LAMA5: variants seen among roughly 807,000 people sequenced by gnomAD.
LAMA5 encodes laminin subunit alpha-5.
A neutral mutation model predicts 433.4 loss-of-function variants in LAMA5; 260 were observed. The observed-to-expected ratio is 0.60, with a 90% CI of 0.54 to 0.66. The LOEUF (loss-of-function observed/expected upper bound fraction) is 0.66. LAMA5 is among the 30% of genes least tolerant of loss of function. LAMA5 has a pLI of 0.00. For missense variants in LAMA5, 5,378 were observed against 5,258.5 expected, an observed-to-expected ratio of 1.02 and a Z score of -0.70; for synonymous variants, 2,620 against 2,226.6, an observed-to-expected ratio of 1.18 and a Z score of -4.97.
At chr20:62,348,935 C>G (rs894288105) in intron 6 of LAMA5, among the ~76,000 whole-genome samples, 18 of 152,144 alleles carry the variant, frequency 1.2e-4, no homozygotes, top group Admixed American at 9.8e-4. Context: ...GGAAAGGGAG[C>G]CAACAGTCAG....
chr20:62,349,096 C>T (rs909539374), intron 6 of LAMA5, among the ~76,000 whole-genome samples: 6 of 151,662 alleles, frequency 4.0e-5, no homozygotes, highest in African/African-American at 7.3e-5. Context: ...GGTGAAACCC[C>T]GTTTCTACTA....
rs939783734 is a variant in LAMA5, at chr20:62,315,131, G to A, written c.7944C>T (p.Ser2648=). 1 of 1,609,938 alleles carries A rather than the reference G, an allele frequency of 6.2e-7. No homozygotes were observed. The highest frequency in any genetic ancestry group is 1.7e-5 in the Admixed American group (1 of 59,966). Reference sequence around the variant, plus strand: ...CATTCTCCTGCATGGCCTGCAGCTGGGACTGCACACGGGTGGCGGTGTCCT... The same window carrying A: ...CATTCTCCTGCATGGCCTGCAGCTGAGACTGCACACGGGTGGCGGTGTCCT... ...EAQDTATRVQ[S]QLQAMQENVE... The change falls in exon 59 of 80, where the codon TCC becomes TCT. Residue 2648 remains serine (S), a synonymous_variant. Transcript: ENST00000252999.
rs1295764014 is a variant in LAMA5 at position 62,310,934 on chromosome 20, G to C, written c.10249C>G (p.Arg3417Gly). ...CAGCGGCCAGGCCGGGAGCGCTGGC[G>C]GCTCTGGGCGCGGAGCCGAGTCCCG... is the stretch of plus-strand genomic sequence containing the variant. ...GLGTRLRAQS[R>G]QRSRPGRWHK... is the part of the protein sequence containing the mutation. The change falls in exon 74 of 80, where the codon CGC becomes GGC. Residue 3417 changes from arginine to glycine, a missense_variant. Physicochemically the swap from Arg to Gly is moderately radical, Grantham distance 125 (BLOSUM62 -2). Coordinates refer to ENST00000252999, the MANE Select transcript of LAMA5 (RefSeq NM_005560.6). 9 of 1,611,034 alleles carry C rather than the reference G, an allele frequency of 5.6e-6. No homozygotes were observed. Among genetic ancestry groups the C allele is most frequent in the Non-Finnish European group, 5.9e-6 (7 of 1,179,496 alleles).
rs767934795 is a variant in LAMA5 at position 62,346,937 on chromosome 20, C to G, written c.1048G>C (p.Ala350Pro). The change falls in exon 7 of 80, where the codon GCC becomes CCC. Residue 350 changes from alanine (A) to proline (P), a missense_variant. Coordinates refer to ENST00000252999, the MANE Select transcript of LAMA5 (RefSeq NM_005560.6). ...CACTGGCACTCGTTGGCACTGTTGG[C>G]AGTCGCAGGCTTCCACGGCTGCTGA... is the stretch of plus-strand genomic sequence containing the variant. ...FNQQPWKPAT[A>P]NSANECQSCN... The G allele has an allele frequency of 1.9e-6, 3 of 1,612,922 alleles. No homozygotes were observed. The highest frequency in any genetic ancestry group is 2.5e-6 in the Non-Finnish European group (3 of 1,179,912).
intron 6 of LAMA5, among the ~76,000 whole-genome samples, chr20:62,350,505 G>A (rs1391768692): frequency 6.6e-6 from 1 of 152,152 alleles, no homozygotes; most frequent in East Asian, 1.9e-4. Context: ...TCCTGTCTGA[G>A]CTCCACCCGC....
At chr20:62,344,955 G>T (rs540269290) in intron 11 of LAMA5, among the ~76,000 whole-genome samples, 147 of 152,324 alleles carry the variant, frequency 9.7e-4, no homozygotes, top group African/African-American at 3.5e-3. Flanking sequence ...TGAAAGAGAA[G>T]TGCTTGTGTA....
At position 62,312,928 on chromosome 20, in the gene LAMA5, G is replaced by C. The variant is rs746982693; in HGVS notation, c.9038C>G (p.Pro3013Arg). 1.3e-6 allele frequency: 2 copies of C among 1,580,888 alleles called. No homozygotes were observed. The highest frequency in any genetic ancestry group is 2.7e-5 in the African/African-American group (2 of 74,378). Residue 3013 changes from proline to arginine, a missense_variant, in exon 66 of 80, where the codon CCA becomes CGA. Physicochemically the swap from Pro to Arg is moderately radical, Grantham distance 103. Coordinates refer to ENST00000252999, the MANE Select transcript of LAMA5 (RefSeq NM_005560.6). ...GGTCAGGGGCGGTGGGGGCTGCAGTGGGACGGCCTTTTTCAGGCCAGCCCC... is the reference window on the plus strand; with the variant it reads ...GGTCAGGGGCGGTGGGGGCTGCAGTCGGACGGCCTTTTTCAGGCCAGCCCC... ...DFGAGLKKAV[P>R]LQPPPPLTSA...
chr20:62,311,593 C>G (rs1387163862), intron 71 of LAMA5, 21 bp downstream of exon 71: 3 of 1,607,792 alleles, frequency 1.9e-6, no homozygotes, highest in Non-Finnish European at 2.5e-6. Flanking sequence ...GACCTTGTCC[C>G]CCAGCGCCCA....
At chr20:62,358,862 G>A (rs372764243) in intron 2 of LAMA5, among the ~76,000 whole-genome samples, 9 of 152,120 alleles carry the variant, frequency 5.9e-5, no homozygotes, top group East Asian at 5.8e-4. Flanking sequence ...ACTTGGAGGG[G>A]ACAGCTGACT....
chr20:62,330,059 G>T, intron 31 of LAMA5, 143 bp from the exon 32 acceptor site: 1 of 1,214,156 alleles, frequency 8.2e-7, no homozygotes, highest in Non-Finnish European at 1.1e-6. Flanking sequence ...CAAGAGGTCT[G>T]CAAGGCCGGC....
chr20:62,326,259 G>C (rs1482610434), intron 40 of LAMA5, among the ~76,000 whole-genome samples: 1 of 151,698 alleles, frequency 6.6e-6, no homozygotes. Context: ...AGAAAAACCA[G>C]ATGAGCTGTG....
At position 62,337,815 on chromosome 20, in the gene LAMA5, G is replaced by C. The variant is rs1282578308; in HGVS notation, c.2015C>G (p.Pro672Arg). 1 of 1,612,674 alleles carries C rather than the reference G, an allele frequency of 6.2e-7. No individual in the cohort carries two copies. The part of the protein sequence containing the change: ...QECSPGFHGF[P>R]SCVPCHCSAE... ...CCCTAGGCACTCACGGACACAGCTG[G>C]GGAAGCCGTGAAAGCCGGGGCTGCA... The change falls in exon 15 of 80, where the codon CCC becomes CGC. Residue 672 changes from proline to arginine, a missense_variant. Transcript: ENST00000252999.
chr20:62,349,246 G>A (rs1184179546), intron 6 of LAMA5, among the ~76,000 whole-genome samples: 1 of 140,360 alleles, frequency 7.1e-6, no homozygotes, highest in African/African-American at 2.7e-5. Flanking sequence ...ACGCCAGTCT[G>A]GGCAACAGAG....
intron 58 of LAMA5, 86 bp downstream of exon 58, chr20:62,315,862 T>G (rs539043037): frequency 9.8e-7 from 1 of 1,024,492 alleles, no homozygotes; most frequent in South Asian, 1.5e-5. Flanking sequence ...GCACAGTGAG[T>G]GCTCACCAAC....
intron 2 of LAMA5, among the ~76,000 whole-genome samples, chr20:62,357,623 G>A (rs1985440723): frequency 6.6e-6 from 1 of 152,208 alleles, no homozygotes; most frequent in Admixed American, 6.5e-5. Context: ...GAGGGACGTG[G>A]AGTGGAAAAG....
chr20:62,309,443 AGGC>A lies in LAMA5; in HGVS notation c.10978_10980del (p.Ala3660del). ...GCCAGCCTCCTCATGCAGCCGCAGT[AGGC>A]GGGGGGCCAGGGCTGCACGGCCATG... On this transcript the variant is annotated inframe_deletion, in exon 80 of 80. Transcript: ENST00000252999. 6.3e-7 allele frequency: 1 copy of A among 1,577,850 alleles called. No homozygotes were observed. Among genetic ancestry groups the A allele is most frequent in the Non-Finnish European group, 8.5e-7 (1 of 1,170,374 alleles).
Position 62,316,080 on chromosome 20 carries a change from C to T in LAMA5, c.7757-22G>A, listed in dbSNP as rs1385034764. 9 of 1,555,678 alleles carry T rather than the reference C, an allele frequency of 5.8e-6. No individual in the cohort carries two copies. The South Asian group carries it at 8.0e-5, about 14-fold the overall frequency. ...CACACTGCGGGGGAGGCAGCTTCAG[C>T]TCCCAGGCAGCTTCACCCCCAGTAT... On this transcript the variant is annotated intron_variant, in intron 57 of 79. Coordinates refer to ENST00000252999, the MANE Select transcript of LAMA5 (RefSeq NM_005560.6).
chr20:62,325,602 AG>A, intron 40 of LAMA5, 56 bp from the exon 41 acceptor site: 1 of 1,209,068 alleles, frequency 8.3e-7, no homozygotes, highest in Non-Finnish European at 1.2e-6. Context: ...CAGAACAGGG[AG>A]CCTAGAACAG....
In LAMA5 at chr20:62,314,482, A is replaced by AC. The variant is rs1986713772; in HGVS notation, c.8368-43dup. 1.9e-6 allele frequency: 3 copies of AC among 1,610,886 alleles called. No homozygotes were observed. The Admixed American group carries it at 5.0e-5, about 27-fold the overall frequency. ...CACACAGTCGGGATGGGGACCGGGG[A>AC]CCAGGGACCAGGCACCGCTCATTTC... On this transcript the variant is annotated intron_variant, in intron 61 of 79. Coordinates refer to ENST00000252999, the MANE Select transcript of LAMA5 (RefSeq NM_005560.6).
Sources: gnomAD v4.1 joint callset for allele counts (sites outside exome capture counted in the v4.1 genomes callset) on GRCh38, gnomAD v4.1.1 for gene constraint, MANE v1.5 for transcripts, NCBI Gene and HGNC (gene_info 2026-07-23, HGNC 2026-07-21) for gene names.